The following SLC37A3 variants were observed in gnomAD, a reference collection of about 807,000 sequenced individuals.
SLC37A3 encodes the protein sugar phosphate exchanger 3.
In SLC37A3, 51 loss-of-function variants were observed where a neutral mutation model predicts 67.1. The observed-to-expected ratio is 0.76, with a 90% CI of 0.61 to 0.96. The LOEUF (loss-of-function observed/expected upper bound fraction) is 0.96. SLC37A3 is among the 40% of genes least tolerant of loss of function. The pLI, the probability that SLC37A3 is intolerant of heterozygous loss-of-function variation, is 0.00. For synonymous variants in SLC37A3, 214 were observed against 231.4 expected (o/e 0.92, Z 0.68); for missense variants, 508 against 603.0 (o/e 0.84, Z 1.65).
intron 2 of SLC37A3, among the ~76,000 whole-genome samples, chr7:140,382,128 GTTC>G (rs1224935323): frequency 1.3e-5 from 2 of 151,312 alleles, no homozygotes; most frequent in East Asian, 1.9e-4. Context: ...CAGATGAAAC[GTTC>G]TTTGTTGTGG....
Position 140,335,178 on chromosome 7 carries a change from C to T in SLC37A3, c.*234G>A. On this transcript the variant is annotated 3_prime_UTR_variant, in exon 15 of 15. Transcript: ENST00000326232. ...CAAAGATGCTGGCAGAGTCAGAAGT[C>T]ACTCGGCACATTCATGAAACAACAG... The T allele has an allele frequency of 6.5e-7, 1 of 1,548,402 alleles. No homozygotes were observed. The highest frequency in any genetic ancestry group is 2.3e-5 in the East Asian group (1 of 44,164).
intron 5 of SLC37A3, among the ~76,000 whole-genome samples, chr7:140,362,252 G>C (rs1483937480): frequency 7.2e-6 from 1 of 138,988 alleles, no homozygotes; most frequent in Admixed American, 7.0e-5. Context: ...ACCCTGTCTG[G>C]GAGGTGAGGA....
At chr7:140,396,204 G>A (rs1420977800) in intron 1 of SLC37A3, among the ~76,000 whole-genome samples, 1 of 151,876 alleles carries the variant, frequency 6.6e-6, no homozygotes, top group Non-Finnish European at 1.5e-5. Flanking sequence ...AGTTTTTGTA[G>A]AAACAGGGTC....
intron 11 of SLC37A3, 46 bp downstream of exon 11, chr7:140,345,823 C>A: frequency 6.8e-7 from 1 of 1,460,112 alleles, no homozygotes; most frequent in South Asian, 1.1e-5. Flanking sequence ...TTATTCCAAC[C>A]AGATTAGGGG....
At chr7:140,349,988 T>G (rs935460744) in intron 9 of SLC37A3, among the ~76,000 whole-genome samples, 4 of 152,196 alleles carry the variant, frequency 2.6e-5, no homozygotes, top group Non-Finnish European at 5.9e-5. Flanking sequence ...AAATTACATT[T>G]TAATTCATAC....
intron 4 of SLC37A3, among the ~76,000 whole-genome samples, chr7:140,366,718 G>A (rs1294462588): frequency 1.3e-5 from 2 of 152,122 alleles, no homozygotes; most frequent in Admixed American, 6.6e-5. Flanking sequence ...CCAAAGCCCC[G>A]TGCCTCTACA....
Position 140,333,885 on chromosome 7 carries a change from C to G in SLC37A3, c.*1527G>C, listed in dbSNP as rs534598401. 4 of 152,614 alleles carry G rather than the reference C, an allele frequency of 2.6e-5. No individual in the cohort carries two copies. The highest frequency in any genetic ancestry group is 4.4e-5 in the Non-Finnish European group (3 of 68,042). The allele number at this position is 152,614 out of a possible 1,614,324, so 9.5% of individuals were successfully genotyped here. On this transcript the variant is annotated 3_prime_UTR_variant, in exon 15 of 15. Coordinates refer to ENST00000326232, the MANE Select transcript of SLC37A3 (RefSeq NM_207113.3). ...ACAAGTTCATAAACACACCCCATATCAGAGTATAAAGCAAGAGGTTGAAAA... is the reference window on the plus strand; with the variant it reads ...ACAAGTTCATAAACACACCCCATATGAGAGTATAAAGCAAGAGGTTGAAAA...
chr7:140,355,597 T>C, intron 7 of SLC37A3, 71 bp downstream of exon 7: 4 of 1,294,602 alleles, frequency 3.1e-6, no homozygotes, highest in Non-Finnish European at 4.4e-6. Flanking sequence ...TATTATTTAA[T>C]ACATAAAAAG....
At chr7:140,366,238 T>C (rs1585319058) in intron 4 of SLC37A3, among the ~76,000 whole-genome samples, 1 of 152,214 alleles carries the variant, frequency 6.6e-6, no homozygotes, top group Middle Eastern at 3.4e-3. Flanking sequence ...AGTCAATTTA[T>C]TAGAAACACC....
At position 140,337,357 on chromosome 7, in the gene SLC37A3, G is replaced by T. The variant is rs537146770; in HGVS notation, c.1327-8C>A. 6.4e-7 allele frequency: 1 copy of T among 1,561,708 alleles called. No homozygotes were observed. The highest frequency in any genetic ancestry group is 2.3e-5 in the East Asian group (1 of 43,460). On this transcript the variant is annotated splice_polypyrimidine_tract_variant and splice_region_variant and intron_variant, in intron 13 of 14. Transcript: ENST00000326232. ...GATCAGAGACACTAAATACTGAAAG[G>T]GAGGAAAAAAAAATTACAATATAAT... is the stretch of plus-strand genomic sequence containing the variant.
intron 4 of SLC37A3, 54 bp downstream of exon 4, chr7:140,369,536 T>A: frequency 6.8e-7 from 1 of 1,468,284 alleles, no homozygotes; most frequent in East Asian, 2.3e-5. Flanking sequence ...AGGCTCAGGG[T>A]CATTTATATT....
At chr7:140,346,046 C>T (rs1796545808) in intron 10 of SLC37A3, 76 bp from the exon 11 acceptor site, 2 of 1,062,676 alleles carry the variant, frequency 1.9e-6, no homozygotes, top group Admixed American at 3.5e-5. Context: ...CCCATTTGCC[C>T]TCTAGTCTCA....
At chr7:140,349,805 C>G (rs905061614) in intron 9 of SLC37A3, among the ~76,000 whole-genome samples, 2 of 152,100 alleles carry the variant, frequency 1.3e-5, no homozygotes, top group Non-Finnish European at 2.9e-5. Context: ...AAAGGAACAG[C>G]AAAAGAGGTC....
At position 140,335,032 on chromosome 7, in the gene SLC37A3, T is replaced by C; in HGVS notation, c.*380A>G. On this transcript the variant is annotated 3_prime_UTR_variant, in exon 15 of 15. Transcript: ENST00000326232. ...ACATACCACCAACACAAACCACGCG[T>C]GGCTTTGCCTCCTGTTCACTCCATT... is the stretch of plus-strand genomic sequence containing the variant. The C allele has an allele frequency of 1.8e-6, 1 of 558,494 alleles. No individual in the cohort carries two copies. 34.6% of individuals were successfully genotyped at this position (558,494 alleles called of 1,614,324 possible).
In SLC37A3 at chr7:140,352,016, C is replaced by T. The variant is rs187778154; in HGVS notation, c.703+46G>A. 6.6e-5 allele frequency: 102 copies of T among 1,554,024 alleles called. 1 individual carries two copies. The Admixed American group carries it at 1.9e-3, about 28-fold the overall frequency. ...TTCTTGGCCTCAGATTTCCTTTCGG[C>T]CATAATAGTAAGACATTCGGAATAG... On this transcript the variant is annotated intron_variant, in intron 8 of 14. Coordinates refer to ENST00000326232, the MANE Select transcript of SLC37A3 (RefSeq NM_207113.3).
chr7:140,380,361 G>A lies in SLC37A3; in HGVS notation c.119C>T (p.Thr40Ile), dbSNP rs748470695. The A allele has an allele frequency of 2.5e-6, 4 of 1,613,186 alleles. No homozygotes were observed. The South Asian group carries it at 4.4e-5, about 18-fold the overall frequency. The change falls in exon 3 of 15, where the codon ACA becomes ATA. Residue 40 changes from threonine to isoleucine, a missense_variant. Physicochemically the swap from Thr to Ile is moderately conservative, Grantham distance 89. Transcript: ENST00000326232. The stretch of plus-strand genomic sequence containing the variant: ...GATACTGACTTTGACATTGCTAAAT[G>A]TTTTTCGTGAAGCATGGAGCAACGA... ...SYSLLHASRK[T>I]FSNVKVSISE...
chr7:140,376,227 A>T (rs1798026338), intron 3 of SLC37A3, among the ~76,000 whole-genome samples: 1 of 152,258 alleles, frequency 6.6e-6, no homozygotes, highest in Non-Finnish European at 1.5e-5. Flanking sequence ...ACCAAAAACT[A>T]AAAGAACAAA....
chr7:140,365,380 A>G lies in SLC37A3; in HGVS notation c.292-889T>C, dbSNP rs114933664. On this transcript the variant is annotated intron_variant, in intron 4 of 14. Coordinates refer to ENST00000326232, the MANE Select transcript of SLC37A3 (RefSeq NM_207113.3). ...GAGCGGGGAGAATTGCTTGAGGCCA[A>G]TAGTTCAAGACCAAACTGGCCAACA... Among the ~76,000 whole-genome samples, 282 of 152,166 alleles carry G rather than the reference A, an allele frequency of 1.9e-3. 2 individuals are homozygous for G. Among genetic ancestry groups the G allele is most frequent in the Middle Eastern group, 6.8e-3 (2 of 294 alleles).
intron 5 of SLC37A3, among the ~76,000 whole-genome samples, chr7:140,362,816 A>G: frequency 1.5e-5 from 1 of 68,136 alleles, no homozygotes. Context: ...CCCGTCCCGG[A>G]GGTGAGGGGC....
Sources: allele counts gnomAD v4.1 joint callset (sites outside exome capture counted in the v4.1 genomes callset), GRCh38; gene constraint gnomAD v4.1.1; transcripts MANE v1.5; gene names NCBI Gene and HGNC (gene_info 2026-07-23, HGNC 2026-07-21).